Variants in KIRREL3 observed in about 807,000 individuals in gnomAD.
KIRREL3 encodes kin of IRRE-like protein 3.
KIRREL3 carries 36 observed loss-of-function variants against 89.7 expected under a neutral mutation model. The ratio of observed to expected loss-of-function variants is 0.40; its 90% CI spans 0.31 to 0.53. The LOEUF (loss-of-function observed/expected upper bound fraction) is 0.53. Among genes scored for constraint, KIRREL3 ranks in the 20% least tolerant of loss-of-function variants. KIRREL3 has a pLI of 0.49. For missense variants in KIRREL3, 864 were observed against 1,056.6 expected (o/e 0.82, Z 2.53); for synonymous variants, 445 against 441.4 (o/e 1.01, Z -0.10).
At chr11:126,952,376 C>T (rs1283666859) in intron 1 of KIRREL3, among the ~76,000 whole-genome samples, 3 of 151,022 alleles carry the variant, frequency 2.0e-5, no homozygotes, top group African/African-American at 7.3e-5. Context: ...AAGAGCAAGA[C>T]TGTCTTGAAA....
chr11:126,923,836 A>G (rs1457493586), intron 1 of KIRREL3, among the ~76,000 whole-genome samples: 1 of 152,192 alleles, frequency 6.6e-6, no homozygotes, highest in Non-Finnish European at 1.5e-5. Context: ...CTCCAGCCCT[A>G]TGTACCCGAA....
At position 126,923,193 on chromosome 11, in the gene KIRREL3, T is replaced by TTC. The variant is rs1565423206; in HGVS notation, c.55+77260_55+77261dup. 6.8e-3 allele frequency among the ~76,000 whole-genome samples: 69 copies of TTC among 10,138 alleles called. 18 individuals are homozygous for TTC. Among genetic ancestry groups the TTC allele is most frequent in the African/African-American group, 0.013 (14 of 1,042 alleles). 6.7% of individuals were successfully genotyped at this position (10,138 alleles called of 152,430 possible). On this transcript the variant is annotated intron_variant, in intron 1 of 16. Transcript: ENST00000525144. Reference sequence around the variant, plus strand: ...TTCTTCTTCTCTTCTTCTTCTCTTCTTCTTCTTCTTCTTCTTCTTCTTCTT... The same window carrying TTC: ...TTCTTCTTCTCTTCTTCTTCTCTTCTTCTCTTCTTCTTCTTCTTCTTCTTCTT...
At chr11:126,536,453 T>C (rs531662378) in intron 2 of KIRREL3, among the ~76,000 whole-genome samples, 40 of 152,202 alleles carry the variant, frequency 2.6e-4, no homozygotes, top group South Asian at 1.5e-3. Context: ...CATAGGCACA[T>C]GTCTCTGCAC....
rs1957047257 is a variant in KIRREL3 at position 126,475,791 on chromosome 11, G to T, written c.434-2325C>A. Among the ~76,000 whole-genome samples, 1 of 152,248 alleles carries T rather than the reference G, an allele frequency of 6.6e-6. No individual in the cohort carries two copies. The highest frequency in any genetic ancestry group is 2.4e-5 in the African/African-American group (1 of 41,476). The stretch of plus-strand genomic sequence containing the variant: ...AGGGCTTTCCACCAAGTGGGGGTGG[G>T]TGCAACCACTTGTGGAGGAGGGGAA... On this transcript the variant is annotated intron_variant, in intron 4 of 16. Coordinates refer to ENST00000525144, the MANE Select transcript of KIRREL3 (RefSeq NM_032531.4). The surrounding 1 kb of genome is among the most constrained non-coding windows in gnomAD (Gnocchi z 7.5).
intron 1 of KIRREL3, among the ~76,000 whole-genome samples, chr11:126,966,341 A>G (rs534917861): frequency 2.2e-4 from 34 of 152,322 alleles, no homozygotes; most frequent in African/African-American, 7.7e-4. Context: ...ATTTTTGCCG[A>G]TTGTCAGAGC....
chr11:126,555,447 A>C lies in KIRREL3; in HGVS notation c.133+7388T>G, dbSNP rs978741754. On this transcript the variant is annotated intron_variant, in intron 2 of 16. Transcript: ENST00000525144. The surrounding 1 kb of genome is among the most constrained non-coding windows in gnomAD (Gnocchi z 4.2). ...CGGGAGCATGTGACACAGGAACTGG[A>C]TCTTGACTGAGGAGGGATGGGTCAG... Among the ~76,000 whole-genome samples, 1 of 152,202 alleles carries C rather than the reference A, an allele frequency of 6.6e-6. No homozygotes were observed. Among genetic ancestry groups the C allele is most frequent in the Admixed American group, 6.5e-5 (1 of 15,288 alleles).
chr11:126,731,896 C>T (rs150022714), intron 1 of KIRREL3, among the ~76,000 whole-genome samples: 7 of 152,330 alleles, frequency 4.6e-5, no homozygotes, highest in Admixed American at 1.3e-4. Context: ...AAAAGAAAGA[C>T]GCTGGAAATA....
At chr11:126,509,465 A>G (rs1175891621) in intron 4 of KIRREL3, among the ~76,000 whole-genome samples, 2 of 152,222 alleles carry the variant, frequency 1.3e-5, no homozygotes, top group African/African-American at 2.4e-5. Flanking sequence ...TTTAGCTGGT[A>G]TGTAGGTCAT....
chr11:126,861,756 T>C (rs1944713307), intron 1 of KIRREL3, among the ~76,000 whole-genome samples: 1 of 152,240 alleles, frequency 6.6e-6, no homozygotes, highest in African/African-American at 2.4e-5. Flanking sequence ...CATTTAGCTG[T>C]TATGAATTCT....
rs546999699 is a variant in KIRREL3, at chr11:126,869,654, G to A, written c.55+130801C>T. 1.4e-3 allele frequency among the ~76,000 whole-genome samples: 220 copies of A among 152,170 alleles called. 1 individual carries two copies. Among genetic ancestry groups the A allele is most frequent in the Middle Eastern group, 6.8e-3 (2 of 294 alleles). ...TGTTCACAGGGAGCTGGCTGCATCCGCCTCAGGGTGCTCTCATCATAGTGT... is the reference window on the plus strand; with the variant it reads ...TGTTCACAGGGAGCTGGCTGCATCCACCTCAGGGTGCTCTCATCATAGTGT... On this transcript the variant is annotated intron_variant, in intron 1 of 16. Coordinates refer to ENST00000525144, the MANE Select transcript of KIRREL3 (RefSeq NM_032531.4).
chr11:126,923,310 C>CT (rs1443942783), intron 1 of KIRREL3, among the ~76,000 whole-genome samples: 12 of 136,056 alleles, frequency 8.8e-5, no homozygotes, highest in African/African-American at 3.2e-4. Context: ...CCTTCTCCTT[C>CT]TCCTTCTTCC....
At position 126,565,361 on chromosome 11, in the gene KIRREL3, T is replaced by G. The variant is rs1940439516; in HGVS notation, c.56-2449A>C. Reference sequence around the variant, plus strand: ...ATGATATAATAACTAAGAGTCTCACTGATTATGTTTGATTTTTGCAAATGA... The same window carrying G: ...ATGATATAATAACTAAGAGTCTCACGGATTATGTTTGATTTTTGCAAATGA... On this transcript the variant is annotated intron_variant, in intron 1 of 16. Coordinates refer to ENST00000525144, the MANE Select transcript of KIRREL3 (RefSeq NM_032531.4). The surrounding 1 kb of genome is among the most constrained non-coding windows in gnomAD (Gnocchi z 5.4). Among the ~76,000 whole-genome samples the G allele has an allele frequency of 6.6e-6, 1 of 152,198 alleles. No homozygotes were observed. Among genetic ancestry groups the G allele is most frequent in the East Asian group, 1.9e-4 (1 of 5,196 alleles).
chr11:126,834,450 C>A (rs1157322354), intron 1 of KIRREL3, among the ~76,000 whole-genome samples: 1 of 152,146 alleles, frequency 6.6e-6, no homozygotes, highest in Non-Finnish European at 1.5e-5. Flanking sequence ...TTCAGAAGCC[C>A]CAAGAATCCT....
rs541651409 is a variant in KIRREL3, at chr11:126,709,453, G to A, written c.56-146541C>T. Among the ~76,000 whole-genome samples the A allele has an allele frequency of 1.2e-3, 190 of 152,342 alleles. 1 individual carries two copies. The highest frequency in any genetic ancestry group is 4.4e-3 in the African/African-American group (183 of 41,590). ...GGCAAACACCTGCTAATGAGTGGTG[G>A]TGGCAGTGGTAGGGAGTAGGTTGAA... On this transcript the variant is annotated intron_variant, in intron 1 of 16. Transcript: ENST00000525144. The surrounding 1 kb of genome is among the most constrained non-coding windows in gnomAD (Gnocchi z 4.0).
intron 1 of KIRREL3, among the ~76,000 whole-genome samples, chr11:126,706,348 C>T (rs958520550): frequency 3.9e-5 from 6 of 152,274 alleles, no homozygotes; most frequent in African/African-American, 1.4e-4. Context: ...GGTAAATGTA[C>T]AGCTATGTGT....
At chr11:126,827,180 AT>A (rs61491863) in intron 1 of KIRREL3, among the ~76,000 whole-genome samples, 142 of 148,420 alleles carry the variant, frequency 9.6e-4, no homozygotes, top group Admixed American at 2.8e-3. Context: ...CCAGATTCAG[AT>A]TTTTTTTTTT....
rs1477077928 is a variant in KIRREL3, at chr11:126,904,383, C to T, written c.55+96072G>A. Among the ~76,000 whole-genome samples the T allele has an allele frequency of 6.6e-6, 1 of 152,206 alleles. No homozygotes were observed. The highest frequency in any genetic ancestry group is 1.9e-4 in the East Asian group (1 of 5,188). On this transcript the variant is annotated intron_variant, in intron 1 of 16. Transcript: ENST00000525144. The surrounding 1 kb of genome is among the most constrained non-coding windows in gnomAD (Gnocchi z 4.4). ...TAGTTAAATTGGGTCTTGATGTTTA[C>T]TGCATCTCTGACTGCAATAAGACTG... is the stretch of plus-strand genomic sequence containing the variant.
At position 126,918,658 on chromosome 11, in the gene KIRREL3, T is replaced by C. The variant is rs1292978854; in HGVS notation, c.55+81797A>G. Reference sequence around the variant, plus strand: ...ATCTAAGAAAGGGATTGCAAATACATAGAAAGGCTATTCCATTCTTCATCT... The same window carrying C: ...ATCTAAGAAAGGGATTGCAAATACACAGAAAGGCTATTCCATTCTTCATCT... On this transcript the variant is annotated intron_variant, in intron 1 of 16. Coordinates refer to ENST00000525144, the MANE Select transcript of KIRREL3 (RefSeq NM_032531.4). This position sits in a 1 kb window ranked among gnomAD's most constrained non-coding sequence, Gnocchi z 6.5. Among the ~76,000 whole-genome samples, 3 of 152,346 alleles carry C rather than the reference T, an allele frequency of 2.0e-5. No homozygotes were observed. The highest frequency in any genetic ancestry group is 3.9e-4 in the East Asian group (2 of 5,188).
intron 15 of KIRREL3, among the ~76,000 whole-genome samples, chr11:126,426,859 G>A (rs1954959109): frequency 6.6e-6 from 1 of 152,222 alleles, no homozygotes; most frequent in Non-Finnish European, 1.5e-5. Context: ...TCCAGTAAAT[G>A]CTCTGGCACT....
Sources: allele counts gnomAD v4.1 joint callset (sites outside exome capture counted in the v4.1 genomes callset), GRCh38; gene constraint gnomAD v4.1.1; non-coding constraint Gnocchi (gnomAD v3.1); transcripts MANE v1.5; gene names NCBI Gene and HGNC (gene_info 2026-07-23, HGNC 2026-07-21).